Variants in TRHDE observed in about 807,000 individuals in gnomAD.
The protein encoded by TRHDE is thyrotropin-releasing hormone-degrading ectoenzyme.
TRHDE carries 72 observed loss-of-function variants against 125.7 expected under a neutral mutation model. That is an observed-to-expected ratio of 0.57 (90% confidence interval 0.47 to 0.70). TRHDE has a LOEUF of 0.70. Ranked by LOEUF, TRHDE falls within the 30% of genes least tolerant of loss-of-function variation. The probability of loss-of-function intolerance (pLI) is 0.00; values close to 1 mark genes in which losing one functional copy is unlikely to be tolerated. For synonymous variants in TRHDE, 509 were observed against 509.1 expected (o/e 1.00, Z 0.00); for missense variants, 1,110 against 1,327.1 (o/e 0.84, Z 2.54).
intron 2 of TRHDE, among the ~76,000 whole-genome samples, chr12:72,209,432 G>A (rs1877731697): frequency 6.6e-6 from 1 of 152,114 alleles, no homozygotes; most frequent in African/African-American, 2.4e-5. Flanking sequence ...TTCTAATTTG[G>A]GGAAAAGGAA....
chr12:72,498,977 G>T (rs775478323), intron 5 of TRHDE, among the ~76,000 whole-genome samples: 4 of 151,828 alleles, frequency 2.6e-5, no homozygotes, highest in Non-Finnish European at 2.9e-5. Flanking sequence ...GTGTGTGTGT[G>T]TGTGTGTGTG....
intron 2 of TRHDE, among the ~76,000 whole-genome samples, chr12:72,342,736 A>G (rs1467982421): frequency 6.6e-6 from 1 of 152,016 alleles, no homozygotes; most frequent in Non-Finnish European, 1.5e-5. Flanking sequence ...ACATTCATTG[A>G]TTTTCTTTCT....
chr12:72,272,460 G>C lies in TRHDE; in HGVS notation c.-184G>C, dbSNP rs1462393783. 4.0e-6 allele frequency: 2 copies of C among 500,354 alleles called. No homozygotes were observed. The highest frequency in any genetic ancestry group is 7.0e-5 in the East Asian group (2 of 28,396). The allele number at this position is 500,354 out of a possible 1,614,324, so 31.0% of individuals were successfully genotyped here. Reference sequence around the variant, plus strand: ...CCGGTGTCCAGAGTGAGGCGGGGCTGATGGGGGTCGCGGAAGCTGCCGTCG... The same window carrying C: ...CCGGTGTCCAGAGTGAGGCGGGGCTCATGGGGGTCGCGGAAGCTGCCGTCG... On this transcript the variant is annotated 5_prime_UTR_variant, in exon 1 of 19. Transcript: ENST00000261180. The surrounding 1 kb of genome is among the most constrained non-coding windows in gnomAD (Gnocchi z 6.7).
At position 72,272,560 on chromosome 12, in the gene TRHDE, T is replaced by C; in HGVS notation, c.-84T>C. ...GCGCGCCCTCGGCCCGCGTGAGCTCTCCGATGCCTGCTCTGGCTGTGGCCC... is the reference window on the plus strand; with the variant it reads ...GCGCGCCCTCGGCCCGCGTGAGCTCCCCGATGCCTGCTCTGGCTGTGGCCC... On this transcript the variant is annotated 5_prime_UTR_variant, in exon 1 of 19. Coordinates refer to ENST00000261180, the MANE Select transcript of TRHDE (RefSeq NM_013381.3). This position sits in a 1 kb window ranked among gnomAD's most constrained non-coding sequence, Gnocchi z 6.7. The C allele has an allele frequency of 1.7e-6, 1 of 598,392 alleles. No homozygotes were observed. The highest frequency in any genetic ancestry group is 2.9e-6 in the Non-Finnish European group (1 of 347,216). The allele number at this position is 598,392 out of a possible 1,614,324, so 37.1% of individuals were successfully genotyped here.
chr12:72,474,054 A>G (rs1350034116), intron 5 of TRHDE, among the ~76,000 whole-genome samples: 1 of 149,644 alleles, frequency 6.7e-6, no homozygotes, highest in Non-Finnish European at 1.5e-5. Context: ...ACATATATAT[A>G]CATACATATA....
At chr12:72,470,802 A>G (rs182072834) in intron 4 of TRHDE, among the ~76,000 whole-genome samples, 5 of 151,658 alleles carry the variant, frequency 3.3e-5, no homozygotes, top group African/African-American at 1.2e-4. Flanking sequence ...ATGCTGATAA[A>G]TGAATACTGA....
chr12:72,309,015 T>C (rs1402704209), intron 2 of TRHDE, among the ~76,000 whole-genome samples: 9 of 152,182 alleles, frequency 5.9e-5, no homozygotes, highest in Non-Finnish European at 1.3e-4. Context: ...TTTTGAGGTA[T>C]AATTTATGTA....
At position 72,525,223 on chromosome 12, in the gene TRHDE, C is replaced by T. The variant is rs566925482; in HGVS notation, c.1723-17068C>T. 9.9e-5 allele frequency among the ~76,000 whole-genome samples: 15 copies of T among 152,066 alleles called. No individual in the cohort carries two copies. In the South Asian group the frequency reaches 1.5e-3, roughly 15 times the overall value. On this transcript the variant is annotated intron_variant, in intron 6 of 18. Transcript: ENST00000261180. ...TTTTAAAAAGTCACTTGAACATATT[C>T]GTGGTTAGGAAAAATGGTTTTGAAA...
At chr12:72,653,530 T>C (rs1028375099) in intron 17 of TRHDE, among the ~76,000 whole-genome samples, 8 of 152,092 alleles carry the variant, frequency 5.3e-5, no homozygotes, top group African/African-American at 9.7e-5. Context: ...AAAACGTTAA[T>C]TACTTCCGTA....
At chr12:72,202,025 G>A (rs1469085598) in intron 2 of TRHDE, among the ~76,000 whole-genome samples, 1 of 152,188 alleles carries the variant, frequency 6.6e-6, no homozygotes, top group Non-Finnish European at 1.5e-5. Flanking sequence ...GAGTGGATGA[G>A]ATATTTGTAC....
intron 10 of TRHDE, among the ~76,000 whole-genome samples, chr12:72,573,739 A>G (rs994213285): frequency 6.6e-6 from 1 of 151,980 alleles, no homozygotes; most frequent in African/African-American, 2.4e-5. Context: ...AATGTGAAAA[A>G]TGTATATCAT....
chr12:72,533,380 G>T (rs369686809), intron 6 of TRHDE, among the ~76,000 whole-genome samples: 2 of 151,952 alleles, frequency 1.3e-5, no homozygotes, highest in African/African-American at 4.8e-5. Context: ...TCACCATGTT[G>T]GCCAAGATGT....
At chr12:72,283,195 G>A (rs893788771) in intron 1 of TRHDE, among the ~76,000 whole-genome samples, 2 of 152,096 alleles carry the variant, frequency 1.3e-5, no homozygotes, top group African/African-American at 4.8e-5. Context: ...AAAAATAAAT[G>A]ATTAAAAGGA....
At chr12:72,213,791 C>G (rs1877832756) in intron 2 of TRHDE, among the ~76,000 whole-genome samples, 1 of 152,080 alleles carries the variant, frequency 6.6e-6, no homozygotes, top group Admixed American at 6.6e-5. Flanking sequence ...GATTACATAT[C>G]AGTTGAATAA....
intron 14 of TRHDE, among the ~76,000 whole-genome samples, 159 bp from the exon 15 acceptor site, chr12:72,621,485 T>A (rs1460906107): frequency 6.6e-6 from 1 of 152,128 alleles, no homozygotes. Context: ...AAACTTTTAG[T>A]ATGTTTAACT....
chr12:72,464,383 T>C (rs1876269167), intron 3 of TRHDE, among the ~76,000 whole-genome samples: 1 of 152,160 alleles, frequency 6.6e-6, no homozygotes, highest in Non-Finnish European at 1.5e-5. Flanking sequence ...ACAGGCAGGT[T>C]TGATGTCTGG....
At chr12:72,314,709 G>A (rs1395977386) in intron 2 of TRHDE, among the ~76,000 whole-genome samples, 1 of 151,586 alleles carries the variant, frequency 6.6e-6, no homozygotes, top group Non-Finnish European at 1.5e-5. Context: ...TGTGGCAAGT[G>A]GATAAAAAAA....
intron 2 of TRHDE, among the ~76,000 whole-genome samples, chr12:72,338,870 A>G (rs571752071): frequency 6.6e-6 from 1 of 152,322 alleles, no homozygotes; most frequent in Non-Finnish European, 1.5e-5. Flanking sequence ...ATCGTAATCA[A>G]CATGGTTTGA....
At chr12:72,414,462 T>G (rs1873645974) in intron 3 of TRHDE, among the ~76,000 whole-genome samples, 1 of 152,106 alleles carries the variant, frequency 6.6e-6, no homozygotes, top group Non-Finnish European at 1.5e-5. Context: ...TAAAAAGACA[T>G]TCATAGATTT....
Sources: gnomAD v4.1 joint callset for allele counts (sites outside exome capture counted in the v4.1 genomes callset) on GRCh38, gnomAD v4.1.1 for gene constraint, Gnocchi (gnomAD v3.1) non-coding constraint, MANE v1.5 for transcripts, NCBI Gene and HGNC (gene_info 2026-07-23, HGNC 2026-07-21) for gene names.